ZDHHC3: variants seen among roughly 807,000 people sequenced by gnomAD.
ZDHHC3 encodes zDHHC palmitoyltransferase 3.
Under a neutral mutation model 30.6 loss-of-function variants are expected in ZDHHC3, and 9 were observed. The observed-to-expected ratio is 0.29, with a 90% confidence interval of 0.18 to 0.51. The LOEUF is 0.51. ZDHHC3 is among the 20% of genes least tolerant of loss of function. The pLI is 0.97. For synonymous variants in ZDHHC3, 136 were observed against 140.2 expected (o/e 0.97, Z 0.21); for missense variants, 246 against 384.2 (o/e 0.64, Z 3.01).
At chr3:44,927,521 T>A (rs1701100382) in intron 6 of ZDHHC3, among the ~76,000 whole-genome samples, 1 of 151,802 alleles carries the variant, frequency 6.6e-6, no homozygotes, top group Admixed American at 6.6e-5. Flanking sequence ...GGAGGAGGGA[T>A]TAGTACAGGT....
At position 44,918,604 on chromosome 3, in the gene ZDHHC3, A is replaced by C. The variant is rs1700373246; in HGVS notation, c.*8085T>G. The C allele has an allele frequency of 1.0e-6, 1 of 985,324 alleles. No homozygotes were observed. Among genetic ancestry groups the C allele is most frequent in the Non-Finnish European group, 1.2e-6 (1 of 829,938 alleles). 61.0% of individuals were successfully genotyped at this position (985,324 alleles called of 1,614,324 possible). A position where few individuals can be genotyped will look rare whatever the true frequency, so the allele number is the denominator to read the frequency against. The stretch of plus-strand genomic sequence containing the variant: ...GGGCTGCAAACACAGCAGAAGGACG[A>C]TGGGGTTAAGGAAGGAGTGCAGGAC... On this transcript the variant is annotated 3_prime_UTR_variant, in exon 7 of 7. Transcript: ENST00000424952.
chr3:44,926,589 A>G lies in ZDHHC3; in HGVS notation c.*100T>C. 7.7e-7 allele frequency: 1 copy of G among 1,298,008 alleles called. No homozygotes were observed. The highest frequency in any genetic ancestry group is 3.7e-5 in the Admixed American group (1 of 26,916). 80.4% of individuals were successfully genotyped at this position (1,298,008 alleles called of 1,614,324 possible). A position where few individuals can be genotyped will look rare whatever the true frequency, so the allele number is the denominator to read the frequency against. ...GAGACATAAAAAAAGTTTTAAGAGTAGTTGTTTTGCTTTTTCGATTTAAAC... is the reference window on the plus strand; with the variant it reads ...GAGACATAAAAAAAGTTTTAAGAGTGGTTGTTTTGCTTTTTCGATTTAAAC... On this transcript the variant is annotated 3_prime_UTR_variant, in exon 7 of 7. Coordinates refer to ENST00000424952, the MANE Select transcript of ZDHHC3 (RefSeq NM_001135179.2).
Position 44,921,993 on chromosome 3 carries a change from C to T in ZDHHC3, c.*4696G>A, listed in dbSNP as rs1421978490. The stretch of plus-strand genomic sequence containing the variant: ...GGCTCCTCCTGTGGGCCCAACAGAG[C>T]GGGATCCCTGGGGGCCACTCTGCTT... On this transcript the variant is annotated 3_prime_UTR_variant, in exon 7 of 7. Transcript: ENST00000424952. 13 of 985,308 alleles carry T rather than the reference C, an allele frequency of 1.3e-5. No individual in the cohort carries two copies. Among genetic ancestry groups the T allele is most frequent in the African/African-American group, 3.5e-5 (2 of 57,216 alleles). The allele number at this position is 985,308 out of a possible 1,614,324, so 61.0% of individuals were successfully genotyped here. A position where few individuals can be genotyped will look rare whatever the true frequency, so the allele number is the denominator to read the frequency against.
At chr3:44,964,385 A>T (rs1442773027) in intron 1 of ZDHHC3, among the ~76,000 whole-genome samples, 1 of 152,162 alleles carries the variant, frequency 6.6e-6, no homozygotes, top group African/African-American at 2.4e-5. Context: ...TGGCAGGAAA[A>T]TTGGTGGTAC....
intron 2 of ZDHHC3, among the ~76,000 whole-genome samples, chr3:44,945,663 T>C (rs2125868230): frequency 6.6e-6 from 1 of 152,182 alleles, no homozygotes; most frequent in East Asian, 1.9e-4. Context: ...GTTCAAGCGA[T>C]TTTCCTGCTT....
At chr3:44,973,041 T>C (rs1253850327) in intron 1 of ZDHHC3, among the ~76,000 whole-genome samples, 1 of 152,196 alleles carries the variant, frequency 6.6e-6, no homozygotes, top group African/African-American at 2.4e-5. Context: ...GTTTAAAATA[T>C]TGGGTTGCAA....
At chr3:44,951,859 C>T (rs914763432) in intron 2 of ZDHHC3, among the ~76,000 whole-genome samples, 1 of 152,164 alleles carries the variant, frequency 6.6e-6, no homozygotes, top group African/African-American at 2.4e-5. Flanking sequence ...CCTCACTGTC[C>T]TTCTCCCTGT....
At chr3:44,975,884 C>T in intron 1 of ZDHHC3, 49 bp downstream of exon 1, 1 of 190,478 alleles carries the variant, frequency 5.2e-6, no homozygotes, top group Non-Finnish European at 1.1e-5. Context: ...GTGAGGCTCG[C>T]CTCACCCCAG....
intron 2 of ZDHHC3, among the ~76,000 whole-genome samples, chr3:44,954,420 C>T (rs188561301): frequency 3.3e-4 from 50 of 152,222 alleles, no homozygotes; most frequent in East Asian, 1.2e-3. Context: ...TACAGTAACA[C>T]GTTGCATGGG....
At chr3:44,944,758 C>T (rs1037253923) in intron 3 of ZDHHC3, among the ~76,000 whole-genome samples, 2 of 152,232 alleles carry the variant, frequency 1.3e-5, no homozygotes, top group African/African-American at 2.4e-5. Context: ...CATTCAAGGA[C>T]AACCGCTTCA....
chr3:44,968,096 C>T (rs1418464590), intron 1 of ZDHHC3, among the ~76,000 whole-genome samples: 1 of 151,986 alleles, frequency 6.6e-6, no homozygotes, highest in African/African-American at 2.4e-5. Context: ...CTCTGCTTGC[C>T]GTCACAGACT....
At chr3:44,941,239 A>G (rs1702415948) in intron 3 of ZDHHC3, among the ~76,000 whole-genome samples, 1 of 152,172 alleles carries the variant, frequency 6.6e-6, no homozygotes, top group Non-Finnish European at 1.5e-5. Context: ...TTTACCCCTC[A>G]CTGGCTATGA....
intron 1 of ZDHHC3, among the ~76,000 whole-genome samples, chr3:44,970,771 G>A (rs916339320): frequency 6.6e-5 from 10 of 151,980 alleles, no homozygotes. Context: ...TTTTCAGAGT[G>A]GAAAAAGCAC....
intron 1 of ZDHHC3, among the ~76,000 whole-genome samples, chr3:44,960,909 T>C: frequency 6.6e-6 from 1 of 152,192 alleles, no homozygotes; most frequent in East Asian, 1.9e-4. Flanking sequence ...ACAGACATTC[T>C]AGAGTCGAAA....
At chr3:44,929,520 TGC>T in intron 5 of ZDHHC3, 84 bp from the exon 6 acceptor site, 1 of 1,551,052 alleles carries the variant, frequency 6.4e-7, no homozygotes, top group Non-Finnish European at 8.7e-7. Context: ...GCGCCCACTC[TGC>T]CTCCTGCTTG....
At position 44,926,206 on chromosome 3, in the gene ZDHHC3, G is replaced by A. The variant is rs1054907138; in HGVS notation, c.*483C>T. The A allele has an allele frequency of 1.8e-4, 178 of 985,904 alleles. No individual in the cohort carries two copies. The highest frequency in any genetic ancestry group is 2.0e-4 in the Non-Finnish European group (170 of 830,334). The allele number at this position is 985,904 out of a possible 1,614,324, so 61.1% of individuals were successfully genotyped here. ...TCCTGCCCTTCTCAGGCCTCAAGGG[G>A]TAAGCATCCATCTTCGGTGAGGTTT... On this transcript the variant is annotated 3_prime_UTR_variant, in exon 7 of 7. Transcript: ENST00000424952.
chr3:44,924,432 T>C lies in ZDHHC3; in HGVS notation c.*2257A>G, dbSNP rs1559647765. ...AACTGGTTTGAGAGCTCAGAAACAT[T>C]GACTCTTTCTAGCCAAGGCCTATAC... On this transcript the variant is annotated 3_prime_UTR_variant, in exon 7 of 7. Transcript: ENST00000424952. 13 of 985,470 alleles carry C rather than the reference T, an allele frequency of 1.3e-5. No homozygotes were observed. The South Asian group carries it at 2.8e-4, about 21-fold the overall frequency. The allele number at this position is 985,470 out of a possible 1,614,324, so 61.0% of individuals were successfully genotyped here.
intron 2 of ZDHHC3, among the ~76,000 whole-genome samples, chr3:44,950,551 T>C (rs1189555061): frequency 1.3e-5 from 2 of 152,146 alleles, no homozygotes; most frequent in Non-Finnish European, 2.9e-5. Context: ...TCCATTTGCA[T>C]AAATCTCCCA....
rs758261035 is a variant in ZDHHC3, at chr3:44,933,194, G to A, written c.534C>T (p.Tyr178=). ...NQKYFVLFTM[Y]IALISLHALI... is the part of the protein sequence containing the mutation. ...GGGCGTGCAAGGAAATGAGAGCTATGTACATCTGAAACAGGAAACCAGTGC... is the reference window on the plus strand; with the variant it reads ...GGGCGTGCAAGGAAATGAGAGCTATATACATCTGAAACAGGAAACCAGTGC... The change falls in exon 5 of 7, where the codon TAC becomes TAT. Residue 178 remains tyrosine, a synonymous_variant. Coordinates refer to ENST00000424952, the MANE Select transcript of ZDHHC3 (RefSeq NM_001135179.2). 2.8e-5 allele frequency: 45 copies of A among 1,614,104 alleles called. No homozygotes were observed. In the East Asian group the frequency reaches 9.8e-4, roughly 35 times the overall value.
Sources: allele counts gnomAD v4.1 joint callset (sites outside exome capture counted in the v4.1 genomes callset), GRCh38; gene constraint gnomAD v4.1.1; transcripts MANE v1.5; gene names NCBI Gene and HGNC (gene_info 2026-07-23, HGNC 2026-07-21).